The following PCDH9 variants were observed in gnomAD, a reference collection of about 807,000 sequenced individuals.
PCDH9 encodes the protein protocadherin 9.
Under a neutral mutation model 70.6 loss-of-function variants are expected in PCDH9, and 24 were observed. The ratio of observed to expected loss-of-function variants is 0.34; its 90% CI spans 0.25 to 0.48. The LOEUF is 0.48. PCDH9 is among the 20% of genes least tolerant of loss of function. The pLI, the probability that PCDH9 is intolerant of heterozygous loss-of-function variation, is 0.99. For missense variants in PCDH9, 1,281 were observed against 1,503.6 expected (o/e 0.85, Z 2.45); for synonymous variants, 562 against 558.5 (o/e 1.01, Z -0.09).
intron 4 of PCDH9, among the ~76,000 whole-genome samples, chr13:66,604,205 C>T (rs987014387): frequency 6.6e-6 from 1 of 151,984 alleles, no homozygotes; most frequent in Non-Finnish European, 1.5e-5. Context: ...CTCTCAGTAG[C>T]TCTGAGTTCT....
At chr13:66,464,488 AT>A (rs373543709) in intron 4 of PCDH9, among the ~76,000 whole-genome samples, 145 of 152,082 alleles carry the variant, frequency 9.5e-4, no homozygotes, top group African/African-American at 3.3e-3. Flanking sequence ...TCTAAAGAGC[AT>A]TTTGTAAAAG....
intron 3 of PCDH9, among the ~76,000 whole-genome samples, chr13:66,886,565 A>G (rs1033341056): frequency 1.3e-5 from 2 of 152,158 alleles, no homozygotes; most frequent in African/African-American, 2.4e-5. Context: ...CATAAGCCCA[A>G]TTTGAACAGA....
chr13:66,783,843 C>A (rs943150500), intron 3 of PCDH9, among the ~76,000 whole-genome samples: 1 of 152,030 alleles, frequency 6.6e-6, no homozygotes, highest in Non-Finnish European at 1.5e-5. Context: ...TATTAAAATA[C>A]CTTTAGTATT....
chr13:66,430,574 G>A (rs948671679), intron 4 of PCDH9, among the ~76,000 whole-genome samples: 3 of 152,034 alleles, frequency 2.0e-5, no homozygotes, highest in Admixed American at 1.3e-4. Context: ...TGTTGGCCCT[G>A]TGTTAGTAAC....
intron 3 of PCDH9, among the ~76,000 whole-genome samples, chr13:66,839,995 A>G (rs1360823250): frequency 6.6e-6 from 1 of 152,194 alleles, no homozygotes; most frequent in Non-Finnish European, 1.5e-5. Context: ...TAAAAATCTT[A>G]GTGCCATGGA....
chr13:66,335,025 A>T (rs548943707), intron 4 of PCDH9, among the ~76,000 whole-genome samples: 1 of 152,212 alleles, frequency 6.6e-6, no homozygotes, highest in East Asian at 1.9e-4. Context: ...AAGCTTCATA[A>T]AACAATGTGT....
At chr13:66,596,733 T>C (rs991472331) in intron 4 of PCDH9, among the ~76,000 whole-genome samples, 4 of 151,636 alleles carry the variant, frequency 2.6e-5, no homozygotes, top group East Asian at 1.9e-4. Context: ...GTAATTCTCA[T>C]ATATACTTTG....
intron 3 of PCDH9, among the ~76,000 whole-genome samples, chr13:66,670,270 G>A (rs2078154748): frequency 6.6e-6 from 1 of 152,138 alleles, no homozygotes; most frequent in African/African-American, 2.4e-5. Flanking sequence ...AAAAGTAAAA[G>A]ACATGCAGCT....
At chr13:66,593,964 T>G (rs1393550288) in intron 4 of PCDH9, among the ~76,000 whole-genome samples, 1 of 151,678 alleles carries the variant, frequency 6.6e-6, no homozygotes. Context: ...AATCATTAGT[T>G]TTTTTTCAGG....
chr13:66,777,250 T>G (rs554779331), intron 3 of PCDH9, among the ~76,000 whole-genome samples: 1 of 151,732 alleles, frequency 6.6e-6, no homozygotes, highest in African/African-American at 2.4e-5. Flanking sequence ...ACACCAAAAG[T>G]AATGGCAACA....
chr13:66,436,545 G>A (rs1957870592), intron 4 of PCDH9, among the ~76,000 whole-genome samples: 1 of 152,048 alleles, frequency 6.6e-6, no homozygotes, highest in Non-Finnish European at 1.5e-5. Flanking sequence ...CATTTTCTCA[G>A]CTTTGCTTCT....
chr13:66,937,759 C>T (rs960932235), intron 2 of PCDH9, among the ~76,000 whole-genome samples: 2 of 152,024 alleles, frequency 1.3e-5, no homozygotes, highest in South Asian at 2.1e-4. Context: ...AGGCAAACAC[C>T]GAGCTGTAAC....
At chr13:66,698,911 T>C (rs945726023) in intron 3 of PCDH9, among the ~76,000 whole-genome samples, 7 of 125,678 alleles carry the variant, frequency 5.6e-5, no homozygotes, top group African/African-American at 1.9e-4. Context: ...TTTTTTTTTT[T>C]TTTTTTGTTG....
At chr13:66,639,721 A>G (rs966876504) in intron 3 of PCDH9, among the ~76,000 whole-genome samples, 1 of 152,140 alleles carries the variant, frequency 6.6e-6, no homozygotes, top group African/African-American at 2.4e-5. Flanking sequence ...TGGTTTGGGG[A>G]CATCGCCCCA....
chr13:66,551,175 G>A (rs569844524), intron 4 of PCDH9, among the ~76,000 whole-genome samples: 3 of 152,154 alleles, frequency 2.0e-5, no homozygotes, highest in South Asian at 2.1e-4. Context: ...TTACTTTGAG[G>A]TGATGTGTAA....
intron 4 of PCDH9, among the ~76,000 whole-genome samples, chr13:66,307,349 G>A (rs1955485914): frequency 6.6e-6 from 1 of 152,020 alleles, no homozygotes; most frequent in South Asian, 2.1e-4. Context: ...ACTTTTATGA[G>A]GTTGAAAATG....
At chr13:66,521,398 C>CT (rs577755158) in intron 4 of PCDH9, among the ~76,000 whole-genome samples, 11 of 152,122 alleles carry the variant, frequency 7.2e-5, no homozygotes, top group Non-Finnish European at 7.4e-5. Flanking sequence ...ATCTTGCTCT[C>CT]TGTCAGTCAC....
At chr13:66,838,021 T>C (rs916467813) in intron 3 of PCDH9, among the ~76,000 whole-genome samples, 3 of 152,158 alleles carry the variant, frequency 2.0e-5, no homozygotes, top group Non-Finnish European at 2.9e-5. Flanking sequence ...AAAATTAAAA[T>C]TAAAGCATAA....
intron 4 of PCDH9, among the ~76,000 whole-genome samples, chr13:66,351,821 C>T (rs919549213): frequency 2.8e-5 from 4 of 144,776 alleles, no homozygotes; most frequent in Non-Finnish European, 6.0e-5. Flanking sequence ...TTACACATTC[C>T]TTTTTTTTTT....
Sources: gnomAD v4.1 joint callset for allele counts (sites outside exome capture counted in the v4.1 genomes callset) on GRCh38, gnomAD v4.1.1 for gene constraint, MANE v1.5 for transcripts, NCBI Gene and HGNC (gene_info 2026-07-23, HGNC 2026-07-21) for gene names.